Variants in TPST1 observed in about 807,000 individuals in gnomAD.
TPST1 encodes tyrosylprotein sulfotransferase 1, also known as protein-tyrosine sulfotransferase 1.
Under a neutral mutation model 34.8 loss-of-function variants are expected in TPST1, and 20 were observed. The observed-to-expected ratio is 0.57, with a 90% CI of 0.40 to 0.84. The LOEUF (loss-of-function observed/expected upper bound fraction) is 0.84. TPST1 is among the 40% of genes least tolerant of loss of function. TPST1 has a pLI of 0.00. For missense variants in TPST1, 353 were observed against 455.5 expected (o/e 0.78, Z 2.05); for synonymous variants, 152 against 159.4 (o/e 0.95, Z 0.35).
chr7:66,285,537 C>T (rs915753389), intron 2 of TPST1, among the ~76,000 whole-genome samples: 5 of 152,128 alleles, frequency 3.3e-5, no homozygotes, highest in African/African-American at 9.7e-5. Flanking sequence ...GGAAGCAGAT[C>T]CCCTTTAGGA....
intron 3 of TPST1, among the ~76,000 whole-genome samples, chr7:66,328,584 G>T (rs1031998804): frequency 6.6e-6 from 1 of 151,130 alleles, no homozygotes; most frequent in South Asian, 2.1e-4. Flanking sequence ...TCACTCTGTC[G>T]CCCAGGCTGG....
intron 2 of TPST1, among the ~76,000 whole-genome samples, chr7:66,277,199 G>A (rs1790837582): frequency 6.6e-6 from 1 of 152,166 alleles, no homozygotes; most frequent in Non-Finnish European, 1.5e-5. Context: ...TTGGTTTCAA[G>A]TTCATGTTTC....
the TPST1 span, among the ~76,000 whole-genome samples, chr7:66,199,243 T>G: frequency 2.0e-5 from 3 of 151,312 alleles, no homozygotes; most frequent in East Asian, 3.9e-4. Context: ...CAAACATCCA[T>G]CCAGTGCCAG....
intron 2 of TPST1, among the ~76,000 whole-genome samples, chr7:66,263,285 A>C (rs1161554818): frequency 2.6e-5 from 4 of 152,126 alleles, no homozygotes; most frequent in Non-Finnish European, 5.9e-5. Flanking sequence ...GTATTGACAA[A>C]ATTTAATACT....
chr7:66,276,278 A>AT (rs1434128516), intron 2 of TPST1, among the ~76,000 whole-genome samples: 1 of 147,678 alleles, frequency 6.8e-6, no homozygotes, highest in African/African-American at 2.5e-5. Flanking sequence ...AAAGACTCCT[A>AT]TTTTTCATTA....
rs769979969 is a variant in TPST1, at chr7:66,286,566, A to G, written c.901A>G (p.Lys301Glu). The change falls in exon 3 of 6, where the codon AAA becomes GAA. Residue 301 changes from lysine (K) to glutamate (E), a missense_variant. Transcript: ENST00000304842. The part of the protein sequence containing the change: ...IKPVNVGALS[K>E]WVGKIPPDVL... ...GCCAGTCAATGTAGGAGCTCTATCA[A>G]AATGGGTTGGGAAGATACCGCCAGA... 3.7e-6 allele frequency: 6 copies of G among 1,609,784 alleles called. No individual in the cohort carries two copies. The Admixed American group carries it at 5.0e-5, about 13-fold the overall frequency.
chr7:66,316,107 T>C (rs1336270576), intron 3 of TPST1, among the ~76,000 whole-genome samples: 2 of 146,148 alleles, frequency 1.4e-5, no homozygotes, highest in Admixed American at 1.4e-4. Flanking sequence ...TGAAACTCCA[T>C]CTCAAAAAAA....
chr7:66,235,025 A>T (rs970628591), intron 1 of TPST1, among the ~76,000 whole-genome samples: 3 of 152,022 alleles, frequency 2.0e-5, no homozygotes, highest in African/African-American at 7.2e-5. Flanking sequence ...TTTAACCAAA[A>T]TGTTATTGTA....
At chr7:66,264,212 C>T (rs767911608) in intron 2 of TPST1, among the ~76,000 whole-genome samples, 2 of 152,124 alleles carry the variant, frequency 1.3e-5, no homozygotes, top group Non-Finnish European at 2.9e-5. Context: ...GTCATTGCTT[C>T]CTGAATCAAG....
At chr7:66,349,495 C>G in intron 3 of TPST1, among the ~76,000 whole-genome samples, 1 of 152,146 alleles carries the variant, frequency 6.6e-6, no homozygotes, top group East Asian at 1.9e-4. Context: ...GTGCTTGAAC[C>G]TGGGAGGCAG....
At chr7:66,229,687 T>G (rs1464714516) in intron 1 of TPST1, among the ~76,000 whole-genome samples, 1 of 152,204 alleles carries the variant, frequency 6.6e-6, no homozygotes, top group Non-Finnish European at 1.5e-5. Context: ...TTTACATTTA[T>G]TGGACTCTGC....
In TPST1 at chr7:66,241,255, G is replaced by T; in HGVS notation, c.830G>T (p.Gly277Val). Residue 277 changes from glycine (G) to valine (V), a missense_variant, in exon 2 of 6, where the codon GGA (glycine) becomes GTA (valine). Coordinates refer to ENST00000304842, the MANE Select transcript of TPST1 (RefSeq NM_003596.4). The part of the protein sequence containing the change: ...HHEEMIGKAG[G>V]VSLSKVERST... The stretch of plus-strand genomic sequence containing the variant: ...GAAGAGATGATTGGGAAAGCTGGGG[G>T]AGTGTCTCTGTCAAAGTGAGTAGAA... 6.2e-7 allele frequency: 1 copy of T among 1,608,504 alleles called. No individual in the cohort carries two copies. Among genetic ancestry groups the T allele is most frequent in the Non-Finnish European group, 8.5e-7 (1 of 1,177,048 alleles).
intron 1 of TPST1, among the ~76,000 whole-genome samples, chr7:66,212,456 CTT>C (rs1562796874): frequency 3.7e-5 from 1 of 27,090 alleles, no homozygotes; most frequent in Non-Finnish European, 8.2e-5. Context: ...ATTTTCTTTT[CTT>C]TTTTCTTTTT....
chr7:66,321,529 A>C (rs1162058627), intron 3 of TPST1, among the ~76,000 whole-genome samples: 1 of 152,244 alleles, frequency 6.6e-6, no homozygotes, highest in East Asian at 1.9e-4. Context: ...GGCAGCCAAT[A>C]GCCAGTCCTG....
At chr7:66,302,702 T>A (rs1260532636) in intron 3 of TPST1, among the ~76,000 whole-genome samples, 1 of 152,186 alleles carries the variant, frequency 6.6e-6, no homozygotes, top group Admixed American at 6.5e-5. Flanking sequence ...AACTCATCCT[T>A]CTCCAGAAAT....
chr7:66,234,400 T>TACACACACAGAGACACACAC (rs1554342874), intron 1 of TPST1, among the ~76,000 whole-genome samples: 1 of 142,852 alleles, frequency 7.0e-6, no homozygotes, highest in African/African-American at 2.6e-5. Flanking sequence ...AAAGCATGGC[T>TACACACACAGAGACACACAC]ACACACACAC....
rs1402818874 is a variant in TPST1, at chr7:66,332,996, A to T, written c.1045-19509A>T. On this transcript the variant is annotated intron_variant, in intron 3 of 5. Transcript: ENST00000304842. This position sits in a 1 kb window ranked among gnomAD's most constrained non-coding sequence, Gnocchi z 4.5. ...GGGCTTAGTAAGGGTAAGAAAGCTA[A>T]GAGTGGCCTGAGGACAGATGACAAA... is the stretch of plus-strand genomic sequence containing the variant. 6.6e-6 allele frequency among the ~76,000 whole-genome samples: 1 copy of T among 152,186 alleles called. No individual in the cohort carries two copies. The highest frequency in any genetic ancestry group is 6.5e-5 in the Admixed American group (1 of 15,282).
intron 1 of TPST1, among the ~76,000 whole-genome samples, chr7:66,232,405 C>T (rs1006308974): frequency 6.6e-6 from 1 of 151,744 alleles, no homozygotes; most frequent in Admixed American, 6.6e-5. Flanking sequence ...CAGAGTCTCG[C>T]TCTGTCTCCC....
chr7:66,268,598 C>A (rs1790637199), intron 2 of TPST1, among the ~76,000 whole-genome samples: 1 of 152,036 alleles, frequency 6.6e-6, no homozygotes, highest in African/African-American at 2.4e-5. Context: ...AAAATCAATT[C>A]TTTGGGATGG....
Sources: allele counts gnomAD v4.1 joint callset (sites outside exome capture counted in the v4.1 genomes callset), GRCh38; gene constraint gnomAD v4.1.1; non-coding constraint Gnocchi (gnomAD v3.1); transcripts MANE v1.5; gene names NCBI Gene and HGNC (gene_info 2026-07-23, HGNC 2026-07-21).